GRHL2: variants seen among roughly 807,000 people sequenced by gnomAD.
The protein encoded by GRHL2 is grainyhead like transcription factor 2.
Under a neutral mutation model 83.8 loss-of-function variants are expected in GRHL2, and 21 were observed. The ratio of observed to expected loss-of-function variants is 0.25; its 90% CI spans 0.18 to 0.36. GRHL2 has a LOEUF of 0.36. Ranked by LOEUF, GRHL2 falls within the 10% of genes least tolerant of loss-of-function variation. The pLI is 1.00. For missense variants in GRHL2, 623 were observed against 781.8 expected (o/e 0.80, Z 2.42); for synonymous variants, 280 against 278.9 (o/e 1.00, Z -0.04).
intron 1 of GRHL2, among the ~76,000 whole-genome samples, chr8:101,510,846 G>A (rs1353411494): frequency 1.3e-5 from 2 of 152,142 alleles, no homozygotes; most frequent in African/African-American, 2.4e-5. Flanking sequence ...TGTAATCCCA[G>A]TACTTTGGGA....
intron 14 of GRHL2, among the ~76,000 whole-genome samples, chr8:101,650,975 G>A (rs554519476): frequency 3.5e-4 from 54 of 152,202 alleles, no homozygotes; most frequent in African/African-American, 1.3e-3. Flanking sequence ...GGAGGATTAG[G>A]TCATCTTTTT....
chr8:101,680,364 A>G, the GRHL2 span, among the ~76,000 whole-genome samples: 1 of 147,180 alleles, frequency 6.8e-6, no homozygotes, highest in East Asian at 2.1e-4. Context: ...TCAATTCAAC[A>G]AGAAGAGCTA....
At chr8:101,640,105 C>A (rs1193611166) in intron 12 of GRHL2, among the ~76,000 whole-genome samples, 1 of 152,186 alleles carries the variant, frequency 6.6e-6, no homozygotes, top group Non-Finnish European at 1.5e-5. Context: ...TCCCTTGCTG[C>A]ACAATCGAAT....
At chr8:101,678,532 C>A in the GRHL2 span, among the ~76,000 whole-genome samples, 9 of 152,100 alleles carry the variant, frequency 5.9e-5, no homozygotes, top group Non-Finnish European at 7.4e-5. Context: ...CCCAGGCTTG[C>A]TTAGGTAAAC....
intron 7 of GRHL2, among the ~76,000 whole-genome samples, chr8:101,592,252 C>T (rs191000024): frequency 6.6e-6 from 1 of 151,748 alleles, no homozygotes; most frequent in East Asian, 1.9e-4. Flanking sequence ...TTACAGGTGC[C>T]CACAACCACG....
intron 1 of GRHL2, among the ~76,000 whole-genome samples, chr8:101,520,559 G>A (rs1265307417): frequency 6.6e-6 from 1 of 152,030 alleles, no homozygotes; most frequent in Non-Finnish European, 1.5e-5. Flanking sequence ...ATCTTTTAAA[G>A]GTCACAAGAG....
At chr8:101,634,673 G>A (rs1813252280) in intron 11 of GRHL2, among the ~76,000 whole-genome samples, 1 of 152,192 alleles carries the variant, frequency 6.6e-6, no homozygotes, top group African/African-American at 2.4e-5. Context: ...CAGCCCTGTG[G>A]TTCTCATGGC....
rs1814067911 is a variant in GRHL2 at position 101,666,707 on chromosome 8, TG to T, written c.*7del. The T allele has an allele frequency of 6.3e-7, 1 of 1,585,814 alleles. No homozygotes were observed. The highest frequency in any genetic ancestry group is 8.7e-7 in the Non-Finnish European group (1 of 1,154,262). ...GGTCACGCTCATGGAAATCTAGCCCTGGGTTTGGCATCCGCTTTGGCTGGAG... is the reference window on the plus strand; with the variant it reads ...GGTCACGCTCATGGAAATCTAGCCCTGGTTTGGCATCCGCTTTGGCTGGAG... On this transcript the variant is annotated 3_prime_UTR_variant, in exon 16 of 16. Coordinates refer to ENST00000646743, the MANE Select transcript of GRHL2 (RefSeq NM_024915.4).
chr8:101,492,591 G>T lies in GRHL2; in HGVS notation c.-179G>T. ...TTATCCCACCTTTCCGGCTAGGTGA[G>T]GGCGCGAGCGGGCGAGCGAGCGAGA... On this transcript the variant is annotated 5_prime_UTR_variant, in exon 1 of 16. The change creates a new upstream start codon in the 5' untranslated region. Transcript: ENST00000646743. 1.4e-6 allele frequency: 1 copy of T among 708,180 alleles called. No individual in the cohort carries two copies. The highest frequency in any genetic ancestry group is 2.7e-5 in the East Asian group (1 of 37,290). The allele number at this position is 708,180 out of a possible 1,614,324, so 43.9% of individuals were successfully genotyped here.
Position 101,669,542 on chromosome 8 carries a change from TAAAGAC to T in GRHL2, c.*2842_*2847del, listed in dbSNP as rs1814163642. 1 of 152,450 alleles carries T rather than the reference TAAAGAC, an allele frequency of 6.6e-6. No homozygotes were observed. The highest frequency in any genetic ancestry group is 2.1e-4 in the South Asian group (1 of 4,812). 9.4% of individuals were successfully genotyped at this position (152,450 alleles called of 1,614,324 possible). Reference sequence around the variant, plus strand: ...CCAAATGCTATGAACGGCCCTTTCTTAAAGACAAGCAAGGGAGATTGATATATGTAC... The same window carrying T: ...CCAAATGCTATGAACGGCCCTTTCTTAAGCAAGGGAGATTGATATATGTAC... On this transcript the variant is annotated 3_prime_UTR_variant, in exon 16 of 16. Transcript: ENST00000646743.
chr8:101,570,287 T>C, intron 4 of GRHL2, 52 bp from the exon 5 acceptor site: 2 of 1,291,520 alleles, frequency 1.5e-6, no homozygotes, highest in Non-Finnish European at 2.3e-6. Flanking sequence ...ATTATCATTT[T>C]TGCATAATGA....
At chr8:101,606,399 G>C (rs1812635481) in intron 8 of GRHL2, among the ~76,000 whole-genome samples, 1 of 152,178 alleles carries the variant, frequency 6.6e-6, no homozygotes, top group East Asian at 1.9e-4. Flanking sequence ...TTGCCTTCCT[G>C]TTGGATTTTG....
At chr8:101,527,053 A>T (rs1176589156) in intron 1 of GRHL2, among the ~76,000 whole-genome samples, 1 of 152,168 alleles carries the variant, frequency 6.6e-6, no homozygotes, top group Non-Finnish European at 1.5e-5. Context: ...GCCCAACATT[A>T]GTTTTATACC....
At chr8:101,546,480 G>A (rs1811269368) in intron 2 of GRHL2, among the ~76,000 whole-genome samples, 1 of 151,318 alleles carries the variant, frequency 6.6e-6, no homozygotes, top group Non-Finnish European at 1.5e-5. Context: ...CATGATCTCA[G>A]CTCACTGTAA....
chr8:101,679,234 G>T, the GRHL2 span, among the ~76,000 whole-genome samples: 1 of 146,208 alleles, frequency 6.8e-6, no homozygotes, highest in South Asian at 2.3e-4. Flanking sequence ...GCTTAAAGGA[G>T]CTGATGGAGC....
intron 1 of GRHL2, among the ~76,000 whole-genome samples, chr8:101,496,071 C>T (rs761097439): frequency 1.6e-4 from 23 of 146,998 alleles, no homozygotes; most frequent in Non-Finnish European, 3.1e-4. Context: ...TCCCTTGAAC[C>T]TGGGAGGCGG....
At chr8:101,621,664 G>A (rs1158793664) in intron 9 of GRHL2, among the ~76,000 whole-genome samples, 1 of 152,154 alleles carries the variant, frequency 6.6e-6, no homozygotes, top group African/African-American at 2.4e-5. Flanking sequence ...GGGAGGCCAA[G>A]GTGGAAGGAT....
intron 1 of GRHL2, among the ~76,000 whole-genome samples, chr8:101,509,751 G>A (rs763688262): frequency 5.3e-5 from 8 of 152,038 alleles, no homozygotes; most frequent in Non-Finnish European, 1.2e-4. Flanking sequence ...TCTAGTAGAA[G>A]GTTAAACTTA....
Position 101,599,861 on chromosome 8 carries a change from G to A in GRHL2, c.1098+710G>A, listed in dbSNP as rs565539200. Among the ~76,000 whole-genome samples, 4 of 152,274 alleles carry A rather than the reference G, an allele frequency of 2.6e-5. No individual in the cohort carries two copies. In the South Asian group the frequency reaches 8.3e-4, roughly 32 times the overall value. On this transcript the variant is annotated intron_variant, in intron 8 of 15. Transcript: ENST00000646743. ...TTTGATTTTATGAAAACCCCAAACC[G>A]TTCTGCTATGCCCACTCTCCTTTCT...
Sources: gnomAD v4.1 joint callset for allele counts (sites outside exome capture counted in the v4.1 genomes callset) on GRCh38, gnomAD v4.1.1 for gene constraint, MANE v1.5 for transcripts, NCBI Gene and HGNC (gene_info 2026-07-23, HGNC 2026-07-21) for gene names.